Variants in PRR16 observed in about 807,000 individuals in gnomAD.
The protein encoded by PRR16 is protein Largen.
In PRR16, 6 loss-of-function variants were observed where a neutral mutation model predicts 18.2. That is an observed-to-expected ratio of 0.33 (90% CI 0.18 to 0.65). PRR16 has a LOEUF of 0.65. PRR16 is among the 30% of genes least tolerant of loss of function. PRR16 has a pLI of 0.74. For synonymous variants in PRR16, 151 were observed against 147.8 expected (o/e 1.02, Z -0.16); for missense variants, 412 against 376.6 (o/e 1.09, Z -0.78).
intron 1 of PRR16, among the ~76,000 whole-genome samples, chr5:120,479,216 T>C (rs945359884): frequency 2.0e-5 from 3 of 152,148 alleles, no homozygotes; most frequent in African/African-American, 7.2e-5. Context: ...CAGTATATTG[T>C]CTAAGAACAC....
At chr5:120,508,349 G>C (rs1381628793) in intron 1 of PRR16, among the ~76,000 whole-genome samples, 1 of 152,110 alleles carries the variant, frequency 6.6e-6, no homozygotes. Flanking sequence ...AACTCTGTGT[G>C]CTGAAAACAG....
the PRR16 span, among the ~76,000 whole-genome samples, chr5:120,769,018 T>A: frequency 3.3e-5 from 5 of 151,714 alleles, no homozygotes; most frequent in Non-Finnish European, 5.9e-5. Context: ...CGCCAACATG[T>A]ACCTGATCTA....
the PRR16 span, among the ~76,000 whole-genome samples, chr5:120,737,204 A>T: frequency 4.0e-5 from 6 of 151,446 alleles, no homozygotes; most frequent in East Asian, 3.9e-4. Flanking sequence ...ACTGATTGGG[A>T]GAAACTTTCA....
At chr5:120,698,728 C>T in the PRR16 span, among the ~76,000 whole-genome samples, 37 of 152,016 alleles carry the variant, frequency 2.4e-4, no homozygotes, top group South Asian at 1.5e-3. Flanking sequence ...TTCTGAGATG[C>T]GAAAGTGGTA....
intron 1 of PRR16, among the ~76,000 whole-genome samples, chr5:120,600,495 G>C (rs1753947900): frequency 6.6e-6 from 1 of 151,914 alleles, no homozygotes; most frequent in Non-Finnish European, 1.5e-5. Context: ...CAGCATGTAA[G>C]AGGTAGCAGG....
chr5:120,626,918 A>G (rs950935471), intron 1 of PRR16, among the ~76,000 whole-genome samples: 2 of 152,012 alleles, frequency 1.3e-5, no homozygotes, highest in Admixed American at 6.6e-5. Flanking sequence ...AATAAATTAG[A>G]TTTTGTCCTT....
intron 1 of PRR16, among the ~76,000 whole-genome samples, chr5:120,629,885 T>G (rs976474825): frequency 2.4e-4 from 35 of 144,574 alleles, no homozygotes; most frequent in Non-Finnish European, 3.6e-4. Flanking sequence ...ATTGTTGCTT[T>G]CGAGAAGTCT....
intron 1 of PRR16, among the ~76,000 whole-genome samples, chr5:120,568,537 A>G (rs1405635682): frequency 6.6e-6 from 1 of 152,218 alleles, no homozygotes; most frequent in African/African-American, 2.4e-5. Context: ...CCTTTCCCTC[A>G]ATCTCACCAC....
At chr5:120,780,379 A>G in the PRR16 span, among the ~76,000 whole-genome samples, 1 of 152,162 alleles carries the variant, frequency 6.6e-6, no homozygotes, top group African/African-American at 2.4e-5. Context: ...ACACTTAATT[A>G]TAAGAAGCTG....
intron 1 of PRR16, among the ~76,000 whole-genome samples, chr5:120,485,979 T>C (rs962801645): frequency 6.6e-6 from 1 of 152,194 alleles, no homozygotes; most frequent in East Asian, 1.9e-4. Flanking sequence ...GGACATGAAC[T>C]CATCATTTCT....
At chr5:120,704,788 G>A in the PRR16 span, among the ~76,000 whole-genome samples, 20 of 152,128 alleles carry the variant, frequency 1.3e-4, no homozygotes, top group Admixed American at 1.2e-3. Flanking sequence ...ACAGAGAATG[G>A]CACATCTGTT....
At chr5:120,754,371 A>C in the PRR16 span, among the ~76,000 whole-genome samples, 1 of 42,090 alleles carries the variant, frequency 2.4e-5, no homozygotes, top group African/African-American at 1.1e-4. Flanking sequence ...TAAATATATA[A>C]TATATAACAT....
chr5:120,556,346 G>C (rs2112709027), intron 1 of PRR16, among the ~76,000 whole-genome samples: 1 of 149,902 alleles, frequency 6.7e-6, no homozygotes, highest in African/African-American at 2.5e-5. Context: ...TATCCAGTTG[G>C]CTTTTTGGGG....
chr5:120,673,733 G>GT (rs953267045), intron 1 of PRR16, among the ~76,000 whole-genome samples: 1 of 151,860 alleles, frequency 6.6e-6, no homozygotes, highest in African/African-American at 2.4e-5. Flanking sequence ...GAGCTCAGGT[G>GT]TTTGAGACCA....
the PRR16 span, among the ~76,000 whole-genome samples, chr5:120,727,963 AATAAG>A: frequency 1.3e-5 from 2 of 152,026 alleles, no homozygotes. Context: ...AATATTCAAA[AATAAG>A]ATTAAGTTAT....
At chr5:120,695,899 T>TA in the PRR16 span, among the ~76,000 whole-genome samples, 127 of 146,614 alleles carry the variant, frequency 8.7e-4, no homozygotes, top group Middle Eastern at 0.014. Context: ...TCATAACTTG[T>TA]AAAAAAAAAT....
the PRR16 span, among the ~76,000 whole-genome samples, chr5:120,749,915 C>T: frequency 6.6e-6 from 1 of 152,068 alleles, no homozygotes; most frequent in Non-Finnish European, 1.5e-5. Flanking sequence ...TTTATAGAGA[C>T]TCTTTGTTTA....
intron 1 of PRR16, among the ~76,000 whole-genome samples, chr5:120,667,954 T>C (rs1328934751): frequency 1.3e-5 from 2 of 152,122 alleles, no homozygotes; most frequent in African/African-American, 4.8e-5. Flanking sequence ...GAGAGTTCTG[T>C]AGATGTCTAT....
intron 1 of PRR16, among the ~76,000 whole-genome samples, chr5:120,620,459 G>A (rs568095463): frequency 7.3e-4 from 111 of 152,242 alleles, no homozygotes; most frequent in African/African-American, 2.7e-3. Context: ...TTATTCCTGA[G>A]AAGCATTCTT....
Sources: gnomAD v4.1 joint callset for allele counts (sites outside exome capture counted in the v4.1 genomes callset) on GRCh38, gnomAD v4.1.1 for gene constraint, MANE v1.5 for transcripts, NCBI Gene and HGNC (gene_info 2026-07-23, HGNC 2026-07-21) for gene names.